Variants in CASS4 observed in about 807,000 individuals in gnomAD.
The protein encoded by CASS4 is Cas scaffold protein family member 4.
A neutral mutation model predicts 54.2 loss-of-function variants in CASS4; 22 were observed. The observed-to-expected ratio is 0.41, with a 90% CI of 0.29 to 0.58. The LOEUF (loss-of-function observed/expected upper bound fraction) is 0.58. Among genes scored for constraint, CASS4 ranks in the 20% least tolerant of loss-of-function variants. The pLI, the probability that CASS4 is intolerant of heterozygous loss-of-function variation, is 0.36. For missense variants in CASS4, 854 were observed against 986.7 expected, an observed-to-expected ratio of 0.87 and a Z score of 1.80; for synonymous variants, 409 against 391.5, an observed-to-expected ratio of 1.04 and a Z score of -0.53.
chr20:56,415,993 T>C (rs959066274), intron 1 of CASS4, among the ~76,000 whole-genome samples: 1 of 152,240 alleles, frequency 6.6e-6, no homozygotes, highest in Non-Finnish European at 1.5e-5. Context: ...CCTCATTCAT[T>C]GGTTTGTGGA....
In CASS4 at chr20:56,452,562, C is replaced by A. The variant is rs144538897; in HGVS notation, c.1386C>A (p.Val462=). 95 of 1,614,038 alleles carry A rather than the reference C, an allele frequency of 5.9e-5. No homozygotes were observed. The highest frequency in any genetic ancestry group is 7.8e-5 in the Non-Finnish European group (92 of 1,180,044). Residue 462 remains valine, a synonymous_variant, in exon 5 of 6, where the codon GTC becomes GTA. Transcript: ENST00000679887. ...CTGTCGCTGGCCTGATGCTCTTTGT[C>A]AGCAGGAAGTGGAGATTCCGAGACT... ...VSSVAGLMLF[V]SRKWRFRDYL...
intron 2 of CASS4, among the ~76,000 whole-genome samples, chr20:56,439,620 G>A (rs1980363038): frequency 6.6e-6 from 1 of 151,990 alleles, no homozygotes; most frequent in Admixed American, 6.5e-5. Context: ...AAGCTGCAGA[G>A]AGCTATTATT....
intron 1 of CASS4, among the ~76,000 whole-genome samples, chr20:56,425,340 G>A (rs769832762): frequency 2.6e-5 from 4 of 152,194 alleles, no homozygotes; most frequent in South Asian, 2.1e-4. Context: ...ACAGTCATTC[G>A]TTGCCCTCTC....
rs527486794 is a variant in CASS4, at chr20:56,418,066, C to T, written c.36+5572C>T. Among the ~76,000 whole-genome samples, 20 of 152,240 alleles carry T rather than the reference C, an allele frequency of 1.3e-4. No individual in the cohort carries two copies. The South Asian group carries it at 1.5e-3, about 11-fold the overall frequency. ...CACCCAATGCATAGTTATTGGGCTC[C>T]GGGGGTTCAGGGTGATCAAGACAGA... is the stretch of plus-strand genomic sequence containing the variant. On this transcript the variant is annotated intron_variant, in intron 1 of 5. Transcript: ENST00000679887.
At chr20:56,439,633 T>C (rs968148281) in intron 2 of CASS4, among the ~76,000 whole-genome samples, 1 of 152,010 alleles carries the variant, frequency 6.6e-6, no homozygotes, top group African/African-American at 2.4e-5. Flanking sequence ...CTATTATTAC[T>C]ACGGCGCCCC....
At chr20:56,447,637 G>C (rs1568679582) in intron 3 of CASS4, among the ~76,000 whole-genome samples, 1 of 152,168 alleles carries the variant, frequency 6.6e-6, no homozygotes, top group Non-Finnish European at 1.5e-5. Context: ...GTCCCTCCAG[G>C]TGGACAAATG....
chr20:56,438,839 A>C (rs1430491220), intron 2 of CASS4, among the ~76,000 whole-genome samples: 3 of 152,242 alleles, frequency 2.0e-5, no homozygotes, highest in Admixed American at 2.0e-4. Context: ...CCTGGACGCC[A>C]AGAGTGAAAC....
rs1600738144 is a variant in CASS4 at position 56,412,402 on chromosome 20, C to T, written c.-57C>T. 3.8e-6 allele frequency: 6 copies of T among 1,584,286 alleles called. No homozygotes were observed. The highest frequency in any genetic ancestry group is 2.3e-5 in the East Asian group (1 of 44,282). On this transcript the variant is annotated 5_prime_UTR_variant, in exon 1 of 6. Transcript: ENST00000679887. The surrounding 1 kb of genome is among the most constrained non-coding windows in gnomAD (Gnocchi z 4.2). ...CATGCAGTGACATTGCACAATCTGC[C>T]TCTGAAGCTGGAGATACTAGCTGCA...
At chr20:56,422,648 T>G (rs1453512293) in intron 1 of CASS4, among the ~76,000 whole-genome samples, 1 of 152,218 alleles carries the variant, frequency 6.6e-6, no homozygotes, top group African/African-American at 2.4e-5. Flanking sequence ...TAGTAGGCAG[T>G]GCCTCCTACA....
chr20:56,452,804 C>T lies in CASS4; in HGVS notation c.1628C>T (p.Pro543Leu), dbSNP rs962517223. ...TKESLDNRNW[P>L]LEVLVTDSVQ... is the part of the protein sequence containing the mutation. The stretch of plus-strand genomic sequence containing the variant: ...GAAAGCTTGGATAATCGCAATTGGC[C>T]TCTGGAAGTTCTTGTGACTGACAGT... The change falls in exon 5 of 6, where the codon CCT becomes CTT. Residue 543 changes from proline (P) to leucine (L), a missense_variant. Transcript: ENST00000679887. The T allele has an allele frequency of 6.2e-7, 1 of 1,614,046 alleles. No individual in the cohort carries two copies. The highest frequency in any genetic ancestry group is 8.5e-7 in the Non-Finnish European group (1 of 1,180,028).
At chr20:56,457,495 A>C (rs1424421601) in intron 5 of CASS4, among the ~76,000 whole-genome samples, 1 of 152,188 alleles carries the variant, frequency 6.6e-6, no homozygotes, top group Non-Finnish European at 1.5e-5. Context: ...TAAAATTTTG[A>C]TGAAACCTTA....
At chr20:56,420,535 C>T (rs932682644) in intron 1 of CASS4, among the ~76,000 whole-genome samples, 2 of 151,260 alleles carry the variant, frequency 1.3e-5, no homozygotes, top group African/African-American at 4.9e-5. Flanking sequence ...ACTACTGGTG[C>T]ACGCCACCAT....
At position 56,430,759 on chromosome 20, in the gene CASS4, TC is replaced by T. The variant is rs1244408194; in HGVS notation, c.37-6404del. Among the ~76,000 whole-genome samples, 1 of 152,160 alleles carries T rather than the reference TC, an allele frequency of 6.6e-6. No homozygotes were observed. Among genetic ancestry groups the T allele is most frequent in the Non-Finnish European group, 1.5e-5 (1 of 68,024 alleles). ...GGGGCAGCCTCTGCAAAGGGGTGAC[TC>T]GAGCTGAGACCCAGAGGAGGAGGAT... On this transcript the variant is annotated intron_variant, in intron 1 of 5. Transcript: ENST00000679887. This position sits in a 1 kb window ranked among gnomAD's most constrained non-coding sequence, Gnocchi z 4.2.
chr20:56,425,247 T>C (rs1364574472), intron 1 of CASS4, among the ~76,000 whole-genome samples: 1 of 152,224 alleles, frequency 6.6e-6, no homozygotes, highest in Admixed American at 6.5e-5. Context: ...TCAACTTGCC[T>C]GGACCAGGCC....
chr20:56,415,455 A>T (rs972770329), intron 1 of CASS4, among the ~76,000 whole-genome samples: 1 of 152,220 alleles, frequency 6.6e-6, no homozygotes, highest in African/African-American at 2.4e-5. Flanking sequence ...TATAAGATAC[A>T]TGTTTTAAGG....
chr20:56,413,596 C>A (rs1362555283), intron 1 of CASS4, among the ~76,000 whole-genome samples: 1 of 141,790 alleles, frequency 7.1e-6, no homozygotes, highest in Non-Finnish European at 1.5e-5. Context: ...TCGCTTGAGC[C>A]TGGGAGGCAG....
At position 56,458,834 on chromosome 20, in the gene CASS4, C is replaced by A; in HGVS notation, c.*87C>A. On this transcript the variant is annotated 3_prime_UTR_variant, in exon 6 of 6. Transcript: ENST00000679887. ...ACTCTGCCCTATGGGAAAAGCCAGC[C>A]GGGGCATACACCAATGAGCTGAAAC... 7.5e-7 allele frequency: 1 copy of A among 1,327,420 alleles called. No individual in the cohort carries two copies. The highest frequency in any genetic ancestry group is 1.0e-6 in the Non-Finnish European group (1 of 981,234). 82.2% of individuals were successfully genotyped at this position (1,327,420 alleles called of 1,614,324 possible).
chr20:56,432,184 T>C (rs1979936363), intron 1 of CASS4, among the ~76,000 whole-genome samples: 1 of 152,160 alleles, frequency 6.6e-6, no homozygotes, highest in Non-Finnish European at 1.5e-5. Flanking sequence ...CAAGGCTAAG[T>C]ATGAAACTGG....
intron 2 of CASS4, among the ~76,000 whole-genome samples, chr20:56,445,357 G>T (rs192165208): frequency 1.9e-4 from 29 of 152,254 alleles, no homozygotes; most frequent in Non-Finnish European, 3.7e-4. Context: ...CCTCAGCCCA[G>T]GTGACAAGTC....
Sources: allele counts gnomAD v4.1 joint callset (sites outside exome capture counted in the v4.1 genomes callset), GRCh38; gene constraint gnomAD v4.1.1; non-coding constraint Gnocchi (gnomAD v3.1); transcripts MANE v1.5; gene names NCBI Gene and HGNC (gene_info 2026-07-23, HGNC 2026-07-21).